Variants in ATP8B1 observed in about 807,000 individuals in gnomAD.
ATP8B1 encodes phospholipid-transporting ATPase IC.
In ATP8B1, 80 loss-of-function variants were observed where a neutral mutation model predicts 149.9. The observed-to-expected ratio is 0.53, with a 90% CI of 0.45 to 0.64. The LOEUF (loss-of-function observed/expected upper bound fraction) is 0.64, where lower values mean the gene tolerates loss of function less well. Ranked by LOEUF, ATP8B1 falls within the 30% of genes least tolerant of loss-of-function variation. The pLI, the probability that ATP8B1 is intolerant of heterozygous loss-of-function variation, is 0.00. For synonymous variants in ATP8B1, 536 were observed against 562.8 expected, an observed-to-expected ratio of 0.95 and a Z score of 0.67; for missense variants, 1,247 against 1,552.6, an observed-to-expected ratio of 0.80 and a Z score of 3.31.
intron 2 of ATP8B1, among the ~76,000 whole-genome samples, chr18:57,711,242 T>C (rs969476283): frequency 6.6e-6 from 1 of 152,092 alleles, no homozygotes; most frequent in Admixed American, 6.5e-5. Flanking sequence ...TCAGAACGAC[T>C]AGAAACAACC....
intron 1 of ATP8B1, among the ~76,000 whole-genome samples, chr18:57,732,642 C>T (rs1182087097): frequency 6.6e-6 from 1 of 151,850 alleles, no homozygotes; most frequent in Non-Finnish European, 1.5e-5. Context: ...GGCTCACTGT[C>T]ACCTCCGCCT....
intron 1 of ATP8B1, among the ~76,000 whole-genome samples, chr18:57,739,565 A>C (rs1429079565): frequency 6.6e-6 from 1 of 152,182 alleles, no homozygotes; most frequent in Admixed American, 6.5e-5. Context: ...GGGAAAGAGC[A>C]AATCAACTTT....
chr18:57,653,827 A>T (rs1417705268), intron 24 of ATP8B1, among the ~76,000 whole-genome samples, 165 bp downstream of exon 24: 1 of 151,980 alleles, frequency 6.6e-6, no homozygotes, highest in African/African-American at 2.4e-5. Flanking sequence ...CCTTATTACA[A>T]AACAAGAAGC....
chr18:57,786,354 G>A (rs1003979965), intron 1 of ATP8B1, among the ~76,000 whole-genome samples: 1 of 152,286 alleles, frequency 6.6e-6, no homozygotes, highest in African/African-American at 2.4e-5. Context: ...AATCCAGCTC[G>A]TCAAAAGCCT....
At chr18:57,688,614 T>A (rs928139266) in intron 12 of ATP8B1, 107 bp from the exon 13 acceptor site, 5 of 1,133,150 alleles carry the variant, frequency 4.4e-6, no homozygotes, top group Non-Finnish European at 6.5e-6. Flanking sequence ...TATTTACTGC[T>A]ATGGTCTGAA....
chr18:57,650,707 G>A (rs1909555797), intron 26 of ATP8B1, among the ~76,000 whole-genome samples: 1 of 152,152 alleles, frequency 6.6e-6, no homozygotes, highest in Non-Finnish European at 1.5e-5. Flanking sequence ...GCCGGGCATG[G>A]TGGTGTGCAC....
intron 24 of ATP8B1, among the ~76,000 whole-genome samples, chr18:57,653,558 T>C (rs1909778859): frequency 6.6e-6 from 1 of 152,090 alleles, no homozygotes; most frequent in Non-Finnish European, 1.5e-5. Flanking sequence ...AGTGCTGGGA[T>C]TACAGGCATG....
At chr18:57,704,530 G>C (rs959971935) in intron 4 of ATP8B1, 25 bp downstream of exon 4, 10 of 1,424,144 alleles carry the variant, frequency 7.0e-6, no homozygotes, top group African/African-American at 1.4e-5. Context: ...AATTCAAACA[G>C]ATTTAAGATA....
intron 1 of ATP8B1, among the ~76,000 whole-genome samples, chr18:57,765,362 C>G (rs2080200672): frequency 6.6e-6 from 1 of 152,140 alleles, no homozygotes; most frequent in African/African-American, 2.4e-5. Context: ...CTTAAAGACA[C>G]TGAAGTGTAT....
intron 2 of ATP8B1, among the ~76,000 whole-genome samples, chr18:57,728,853 G>A (rs917678306): frequency 6.6e-6 from 1 of 151,626 alleles, no homozygotes; most frequent in Non-Finnish European, 1.5e-5. Flanking sequence ...CCGAGTAGCT[G>A]GGATTATAGG....
At chr18:57,782,251 A>G (rs1320993762) in intron 1 of ATP8B1, among the ~76,000 whole-genome samples, 1 of 152,260 alleles carries the variant, frequency 6.6e-6, no homozygotes. Flanking sequence ...AGCAGCAAAT[A>G]ACTACACAGA....
At chr18:57,757,447 G>A (rs529059236) in intron 1 of ATP8B1, among the ~76,000 whole-genome samples, 9 of 152,280 alleles carry the variant, frequency 5.9e-5, no homozygotes, top group South Asian at 2.1e-4. Context: ...TGTTACTAGC[G>A]GGGTGACTTT....
At chr18:57,733,431 G>C (rs964540862) in intron 1 of ATP8B1, among the ~76,000 whole-genome samples, 2 of 152,252 alleles carry the variant, frequency 1.3e-5, no homozygotes, top group Admixed American at 1.3e-4. Context: ...AGGCAGCCAC[G>C]CACGGTGGCT....
chr18:57,776,570 G>A (rs1163709791), intron 1 of ATP8B1, among the ~76,000 whole-genome samples: 5 of 152,058 alleles, frequency 3.3e-5, no homozygotes, highest in Non-Finnish European at 7.4e-5. Flanking sequence ...TGAGAGAAAG[G>A]AGGGGAAATA....
At position 57,668,277 on chromosome 18, in the gene ATP8B1, ACAGAGGAGGGTTTCT is replaced by A. The variant is rs1911005579; in HGVS notation, c.2209+137_2209+151del. 1.1e-5 allele frequency: 15 copies of A among 1,336,412 alleles called. No homozygotes were observed. The South Asian group carries it at 1.9e-4, about 17-fold the overall frequency. 82.8% of individuals were successfully genotyped at this position (1,336,412 alleles called of 1,614,324 possible). On this transcript the variant is annotated intron_variant, in intron 19 of 27. Transcript: ENST00000648908. ...GGATGCAGAAGAATGTGCTGGAAAAACAGAGGAGGGTTTCTCAGAAAAAGCATCTTCCGTCCAAAG... is the reference window on the plus strand; with the variant it reads ...GGATGCAGAAGAATGTGCTGGAAAAACAGAAAAAGCATCTTCCGTCCAAAG...
intron 1 of ATP8B1, among the ~76,000 whole-genome samples, chr18:57,764,759 A>C (rs2080195159): frequency 9.5e-5 from 1 of 10,486 alleles, no homozygotes; most frequent in Non-Finnish European, 3.5e-4. Context: ...TCAGTTGTCA[A>C]AAAAAAAAAA....
rs183549283 is a variant in ATP8B1, at chr18:57,679,606, T to C, written c.1630+4430A>G. 5.3e-5 allele frequency among the ~76,000 whole-genome samples: 8 copies of C among 152,288 alleles called. No homozygotes were observed. The East Asian group carries it at 1.5e-3, about 29-fold the overall frequency. On this transcript the variant is annotated intron_variant, in intron 15 of 27. Transcript: ENST00000648908. Reference sequence around the variant, plus strand: ...ACCTGATTCCCTAGCTTCAGGGTAATGGTGGCAGAGAAAGCTAAATGCACC... The same window carrying C: ...ACCTGATTCCCTAGCTTCAGGGTAACGGTGGCAGAGAAAGCTAAATGCACC...
intron 1 of ATP8B1, among the ~76,000 whole-genome samples, chr18:57,778,022 A>T (rs1339526111): frequency 6.6e-6 from 1 of 152,220 alleles, no homozygotes; most frequent in Non-Finnish European, 1.5e-5. Flanking sequence ...AATAACAAAC[A>T]TGATGGTATC....
intron 6 of ATP8B1, among the ~76,000 whole-genome samples, chr18:57,700,473 A>G (rs1030418718): frequency 6.6e-6 from 1 of 152,314 alleles, no homozygotes; most frequent in Non-Finnish European, 1.5e-5. Flanking sequence ...AATCTTTAAA[A>G]CAATATTATA....
Sources: allele counts gnomAD v4.1 joint callset (sites outside exome capture counted in the v4.1 genomes callset), GRCh38; gene constraint gnomAD v4.1.1; transcripts MANE v1.5; gene names NCBI Gene and HGNC (gene_info 2026-07-23, HGNC 2026-07-21).